Variants in C10orf90 observed in about 807,000 individuals in gnomAD.
C10orf90 encodes (E2-independent) E3 ubiquitin-conjugating enzyme FATS.
Under a neutral mutation model 62.5 loss-of-function variants are expected in C10orf90, and 56 were observed. That is an observed-to-expected ratio of 0.90 (90% CI 0.72 to 1.12). The LOEUF (loss-of-function observed/expected upper bound fraction) is 1.12. Ranked by LOEUF, C10orf90 falls within the 50% of genes most tolerant of loss-of-function variation. The pLI, the probability that C10orf90 is intolerant of heterozygous loss-of-function variation, is 0.00. For synonymous variants in C10orf90, 386 were observed against 340.4 expected (o/e 1.13, Z -1.47); for missense variants, 970 against 880.4 (o/e 1.10, Z -1.29).
chr10:126,656,626 A>G (rs1846400217), intron 1 of C10orf90, among the ~76,000 whole-genome samples: 1 of 152,230 alleles, frequency 6.6e-6, no homozygotes, highest in Non-Finnish European at 1.5e-5. Flanking sequence ...CAGCTACAAG[A>G]CATTTCAGAA....
At chr10:126,497,964 T>G (rs1206743025) in intron 4 of C10orf90, among the ~76,000 whole-genome samples, 1 of 152,210 alleles carries the variant, frequency 6.6e-6, no homozygotes, top group Non-Finnish European at 1.5e-5. Context: ...CTCTCTGGGT[T>G]ACTTGTTGTT....
chr10:126,462,034 C>A (rs139419050), intron 5 of C10orf90, among the ~76,000 whole-genome samples: 3 of 152,108 alleles, frequency 2.0e-5, no homozygotes, highest in Non-Finnish European at 4.4e-5. Flanking sequence ...TTGCTGGAGA[C>A]GACCACTGGC....
At chr10:126,437,729 C>G (rs1590893061) in intron 7 of C10orf90, among the ~76,000 whole-genome samples, 1 of 151,994 alleles carries the variant, frequency 6.6e-6, no homozygotes, top group East Asian at 1.9e-4. Flanking sequence ...ACTGGGCATC[C>G]TATATTTTCA....
rs564086261 is a variant in C10orf90, at chr10:126,553,369, C to A, written c.314-39430G>T. Reference sequence around the variant, plus strand: ...AAAGGCACTTCATAAGAGAGTATAGCTAGTGACAAATAAGGACATGAATAG... The same window carrying A: ...AAAGGCACTTCATAAGAGAGTATAGATAGTGACAAATAAGGACATGAATAG... On this transcript the variant is annotated intron_variant, in intron 2 of 9. Coordinates refer to ENST00000488181, the MANE Select transcript of C10orf90 (RefSeq NM_001350921.2). Among the ~76,000 whole-genome samples, 4 of 152,196 alleles carry A rather than the reference C, an allele frequency of 2.6e-5. No homozygotes were observed. In the East Asian group the frequency reaches 7.7e-4, roughly 29 times the overall value.
chr10:126,561,668 T>C (rs1450613566), intron 2 of C10orf90, among the ~76,000 whole-genome samples: 1 of 152,092 alleles, frequency 6.6e-6, no homozygotes, highest in Non-Finnish European at 1.5e-5. Flanking sequence ...GAACTGCAGC[T>C]GCAAATTAAA....
At chr10:126,471,030 T>C (rs990587327) in intron 4 of C10orf90, among the ~76,000 whole-genome samples, 61 of 152,302 alleles carry the variant, frequency 4.0e-4, no homozygotes, top group African/African-American at 1.4e-3. Context: ...TCAATTTCTA[T>C]GTAGTGGCAT....
chr10:126,469,678 C>T, intron 4 of C10orf90: 1 of 352,072 alleles, frequency 2.8e-6, no homozygotes, highest in Admixed American at 3.8e-5. Context: ...CCCCAGACTG[C>T]CTTCTGCCCT....
chr10:126,625,857 G>A (rs1845731572), intron 2 of C10orf90, among the ~76,000 whole-genome samples: 1 of 152,142 alleles, frequency 6.6e-6, no homozygotes, highest in Non-Finnish European at 1.5e-5. Context: ...GCTCACGCCT[G>A]TAATCCTAGC....
intron 2 of C10orf90, among the ~76,000 whole-genome samples, chr10:126,565,126 A>AAATATTATATTACATAATATG (rs1564874033): frequency 1.5e-3 from 43 of 28,290 alleles, no homozygotes; most frequent in Non-Finnish European, 2.6e-3. Context: ...TATATAATAT[A>AAATATTATATTACATAATATG]TAATATAAAT....
At chr10:126,449,761 G>A (rs943652613) in intron 7 of C10orf90, among the ~76,000 whole-genome samples, 2 of 152,150 alleles carry the variant, frequency 1.3e-5, no homozygotes, top group Non-Finnish European at 2.9e-5. Flanking sequence ...CACTTTGGGA[G>A]GCCGAGGCAG....
chr10:126,634,747 T>C (rs1845916111), intron 2 of C10orf90, among the ~76,000 whole-genome samples: 1 of 152,188 alleles, frequency 6.6e-6, no homozygotes, highest in South Asian at 2.1e-4. Flanking sequence ...AATTGTAAAA[T>C]TGAGTCTCAA....
chr10:126,495,035 T>C (rs1050303580), intron 4 of C10orf90, among the ~76,000 whole-genome samples: 1 of 152,234 alleles, frequency 6.6e-6, no homozygotes, highest in Admixed American at 6.5e-5. Context: ...GGAATATTTT[T>C]CATGTTGCTA....
At chr10:126,545,484 G>T (rs1431673656) in intron 2 of C10orf90, among the ~76,000 whole-genome samples, 2 of 151,564 alleles carry the variant, frequency 1.3e-5, no homozygotes, top group Non-Finnish European at 2.9e-5. Context: ...ACCTTTAAAA[G>T]TATTCACTTA....
In C10orf90 at chr10:126,602,080, C is replaced by T. The variant is rs960209195; in HGVS notation, c.313+44485G>A. On this transcript the variant is annotated intron_variant, in intron 2 of 9. Coordinates refer to ENST00000488181, the MANE Select transcript of C10orf90 (RefSeq NM_001350921.2). ...TCAAAGCTGGCCCCTCTTACATGAGCGCACAGTCTGTCCCTCCCAATGAGG... is the reference window on the plus strand; with the variant it reads ...TCAAAGCTGGCCCCTCTTACATGAGTGCACAGTCTGTCCCTCCCAATGAGG... Among the ~76,000 whole-genome samples, 6 of 152,204 alleles carry T rather than the reference C, an allele frequency of 3.9e-5. No homozygotes were observed. The South Asian group carries it at 6.2e-4, about 16-fold the overall frequency.
At position 126,504,951 on chromosome 10, in the gene C10orf90, G is replaced by C. The variant is rs370773049; in HGVS notation, c.540C>G (p.His180Gln). 6.2e-7 allele frequency: 1 copy of C among 1,614,218 alleles called. No individual in the cohort carries two copies. The highest frequency in any genetic ancestry group is 1.1e-5 in the South Asian group (1 of 91,088). The change falls in exon 4 of 10, where the codon CAC (histidine) becomes CAG (glutamine). Residue 180 changes from histidine to glutamine, a missense_variant. By Grantham distance (24) the His-to-Gln change is conservative. Transcript: ENST00000488181. The surrounding 1 kb of genome is among the most constrained non-coding windows in gnomAD (Gnocchi z 4.1). ...TGCGGTTAGCCAGAGATTGCTTGGC[G>C]TGATGTGCACGAGACTGAGCAATGG... ...PCAIAQSRAH[H>Q]AKQSLANRSG...
chr10:126,527,504 C>T (rs981319100), intron 2 of C10orf90, among the ~76,000 whole-genome samples: 4 of 152,194 alleles, frequency 2.6e-5, no homozygotes, highest in African/African-American at 7.2e-5. Context: ...TCTCAGACTC[C>T]GTAAGGCAGC....
chr10:126,557,466 C>T lies in C10orf90; in HGVS notation c.314-43527G>A, dbSNP rs185062573. On this transcript the variant is annotated intron_variant, in intron 2 of 9. Coordinates refer to ENST00000488181, the MANE Select transcript of C10orf90 (RefSeq NM_001350921.2). The stretch of plus-strand genomic sequence containing the variant: ...CTGCACTCCAGCCTGGGCGACAGAG[C>T]GAGACTCCATCTCAAAAAAAAAAAA... 6.1e-3 allele frequency among the ~76,000 whole-genome samples: 776 copies of T among 127,496 alleles called. 30 individuals are homozygous for T. Among genetic ancestry groups the T allele is most frequent in the Admixed American group, 0.051 (600 of 11,678 alleles). 83.6% of individuals were successfully genotyped at this position (127,496 alleles called of 152,430 possible).
At chr10:126,656,558 G>T (rs1291006704) in intron 1 of C10orf90, among the ~76,000 whole-genome samples, 1 of 152,198 alleles carries the variant, frequency 6.6e-6, no homozygotes, top group Non-Finnish European at 1.5e-5. Flanking sequence ...TAATTAAGAT[G>T]CTAGAAGTTG....
intron 2 of C10orf90, among the ~76,000 whole-genome samples, chr10:126,601,223 A>G (rs1240944106): frequency 6.6e-6 from 1 of 152,228 alleles, no homozygotes; most frequent in Non-Finnish European, 1.5e-5. Flanking sequence ...TGTAGGTTAA[A>G]GGATACAAAC....
Sources: gnomAD v4.1 joint callset for allele counts (sites outside exome capture counted in the v4.1 genomes callset) on GRCh38, gnomAD v4.1.1 for gene constraint, Gnocchi (gnomAD v3.1) non-coding constraint, MANE v1.5 for transcripts, NCBI Gene and HGNC (gene_info 2026-07-23, HGNC 2026-07-21) for gene names.